DDX10: variants seen among roughly 807,000 people sequenced by gnomAD.
The protein encoded by DDX10 is DEAD-box helicase 10, also known as probable ATP-dependent RNA helicase DDX10.
In DDX10, 74 loss-of-function variants were observed where a neutral mutation model predicts 104.3. The ratio of observed to expected loss-of-function variants is 0.71; its 90% CI spans 0.59 to 0.86. DDX10 has a LOEUF of 0.86. Ranked by LOEUF, DDX10 falls within the 40% of genes least tolerant of loss-of-function variation. DDX10 has a pLI of 0.00. For missense variants in DDX10, 952 were observed against 1,040.0 expected (o/e 0.92, Z 1.16); for synonymous variants, 351 against 353.4 (o/e 0.99, Z 0.08).
intron 13 of DDX10, among the ~76,000 whole-genome samples, chr11:108,795,254 C>A (rs1456526861): frequency 7.0e-6 from 1 of 143,374 alleles, no homozygotes; most frequent in South Asian, 2.2e-4. Flanking sequence ...ATTTTTTTTT[C>A]TCCAAATTGT....
chr11:108,757,087 CAG>C (rs554485346), intron 13 of DDX10, among the ~76,000 whole-genome samples: 3 of 151,376 alleles, frequency 2.0e-5, no homozygotes, highest in Non-Finnish European at 4.4e-5. Flanking sequence ...GTGGAGAGGA[CAG>C]GGGAAGGCGC....
chr11:108,845,244 T>G (rs1862699798), intron 15 of DDX10, among the ~76,000 whole-genome samples: 1 of 151,344 alleles, frequency 6.6e-6, no homozygotes. Context: ...AAACAAAGAC[T>G]TTCTTCTTTA....
intron 6 of DDX10, among the ~76,000 whole-genome samples, chr11:108,682,197 C>T (rs2094236361): frequency 6.6e-6 from 1 of 152,050 alleles, no homozygotes; most frequent in Non-Finnish European, 1.5e-5. Flanking sequence ...CTCTGCCTCC[C>T]GGGTTCAAGC....
At chr11:108,675,498 G>C in intron 2 of DDX10, 98 bp from the exon 3 acceptor site, 3 of 1,346,674 alleles carry the variant, frequency 2.2e-6, no homozygotes, top group Non-Finnish European at 3.1e-6. Context: ...AGGCATTAGG[G>C]CTTCAACATA....
chr11:108,783,680 C>CT (rs1861743891), intron 13 of DDX10, among the ~76,000 whole-genome samples: 1 of 152,038 alleles, frequency 6.6e-6, no homozygotes, highest in African/African-American at 2.4e-5. Context: ...ATTTTTTATA[C>CT]TTTCAACTTT....
intron 16 of DDX10, among the ~76,000 whole-genome samples, chr11:108,906,984 C>G (rs1863604647): frequency 6.6e-6 from 1 of 152,202 alleles, no homozygotes; most frequent in Non-Finnish European, 1.5e-5. Flanking sequence ...GCTCAGCACC[C>G]AGGAAGTGTG....
intron 17 of DDX10, among the ~76,000 whole-genome samples, chr11:108,922,527 T>C (rs1407859338): frequency 2.6e-5 from 4 of 152,204 alleles, no homozygotes; most frequent in Non-Finnish European, 4.4e-5. Context: ...GAGCCAGATT[T>C]AGTGGAGAAT....
chr11:108,713,039 T>A (rs1365127088), intron 10 of DDX10, among the ~76,000 whole-genome samples: 4 of 152,168 alleles, frequency 2.6e-5, no homozygotes, highest in African/African-American at 9.7e-5. Flanking sequence ...GTAATTCCTG[T>A]CTTTGTTCCT....
chr11:108,686,255 C>G (rs968926147), intron 6 of DDX10, among the ~76,000 whole-genome samples: 3 of 152,178 alleles, frequency 2.0e-5, no homozygotes, highest in African/African-American at 7.2e-5. Context: ...GCATCCTTAT[C>G]ACCCAAAGTC....
At chr11:108,831,071 T>A (rs985748043) in intron 13 of DDX10, among the ~76,000 whole-genome samples, 1 of 152,152 alleles carries the variant, frequency 6.6e-6, no homozygotes, top group Admixed American at 6.5e-5. Flanking sequence ...TAGTTAAATA[T>A]GTTTGGACTT....
intron 13 of DDX10, among the ~76,000 whole-genome samples, chr11:108,739,130 G>A (rs967932154): frequency 6.6e-6 from 1 of 152,122 alleles, no homozygotes; most frequent in African/African-American, 2.4e-5. Flanking sequence ...CCATAAAATC[G>A]TGTGGACAAG....
chr11:108,878,099 A>C (rs1863176904), intron 16 of DDX10, among the ~76,000 whole-genome samples: 1 of 152,234 alleles, frequency 6.6e-6, no homozygotes, highest in South Asian at 2.1e-4. Flanking sequence ...ACAAAATACC[A>C]AATTTGACTG....
At chr11:108,693,639 C>T in intron 9 of DDX10, 39 bp downstream of exon 9, 1 of 1,441,424 alleles carries the variant, frequency 6.9e-7, no homozygotes, top group Non-Finnish European at 9.8e-7. Flanking sequence ...TTGCTACTAT[C>T]TAAATAACAA....
chr11:108,913,585 A>C (rs1472527320), intron 16 of DDX10, among the ~76,000 whole-genome samples: 9 of 152,126 alleles, frequency 5.9e-5, no homozygotes, highest in Admixed American at 6.6e-5. Flanking sequence ...ATTTAGGAAT[A>C]AAATGGGAGA....
chr11:108,718,240 C>G (rs2094293983), intron 11 of DDX10, among the ~76,000 whole-genome samples: 1 of 151,960 alleles, frequency 6.6e-6, no homozygotes, highest in East Asian at 1.9e-4. Context: ...GTCTAGCTTT[C>G]TTGAGATCTA....
chr11:108,671,561 CTT>C (rs369752632), intron 1 of DDX10, among the ~76,000 whole-genome samples: 1 of 152,204 alleles, frequency 6.6e-6, no homozygotes, highest in Non-Finnish European at 1.5e-5. Flanking sequence ...TCAGCAAACT[CTT>C]TTTCTGTAAA....
chr11:108,675,088 T>TTGTGTGTGTGTGTGTGTGTGTGTG (rs142204234), intron 2 of DDX10, among the ~76,000 whole-genome samples: 1 of 146,776 alleles, frequency 6.8e-6, no homozygotes, highest in Non-Finnish European at 1.5e-5. Context: ...CATATTCCAT[T>TTGTGTGTGTGTGTGTGTGTGTGTG]TGTGTGTGTG....
chr11:108,773,883 C>T (rs536454694), intron 13 of DDX10, among the ~76,000 whole-genome samples: 3 of 152,146 alleles, frequency 2.0e-5, no homozygotes, highest in Non-Finnish European at 4.4e-5. Context: ...GGGTGAATAT[C>T]GGGCCCAGAG....
chr11:108,872,764 G>A (rs147765523), intron 16 of DDX10, among the ~76,000 whole-genome samples: 11 of 152,054 alleles, frequency 7.2e-5, no homozygotes, highest in African/African-American at 2.7e-4. Flanking sequence ...CTATAGCAGT[G>A]TTTTTTGGTG....
Sources: allele counts gnomAD v4.1 joint callset (sites outside exome capture counted in the v4.1 genomes callset), GRCh38; gene constraint gnomAD v4.1.1; transcripts MANE v1.5; gene names NCBI Gene and HGNC (gene_info 2026-07-23, HGNC 2026-07-21).